Variants in UBR4 observed in about 807,000 individuals in gnomAD.
UBR4 encodes the protein ubiquitin protein ligase E3 component n-recognin 4, also known as E3 ubiquitin-protein ligase UBR4.
A neutral mutation model predicts 575.6 loss-of-function variants in UBR4; 124 were observed. The observed-to-expected ratio is 0.22, with a 90% CI of 0.19 to 0.25. UBR4 has a LOEUF of 0.25. Among genes scored for constraint, UBR4 ranks in the 10% least tolerant of loss-of-function variants. The pLI is 1.00. For synonymous variants in UBR4, 2,455 were observed against 2,473.7 expected, an observed-to-expected ratio of 0.99 and a Z score of 0.22; for missense variants, 4,818 against 6,478.8, an observed-to-expected ratio of 0.74 and a Z score of 8.80.
At chr1:19,147,076 G>A in intron 51 of UBR4, 76 bp from the exon 52 acceptor site, 1 of 1,466,742 alleles carries the variant, frequency 6.8e-7, no homozygotes, top group East Asian at 2.4e-5. Flanking sequence ...GAGAAAAGCT[G>A]GCAGATCACC....
intron 69 of UBR4, 111 bp from the exon 70 acceptor site, chr1:19,119,812 G>A (rs1272993585): frequency 7.2e-7 from 1 of 1,395,918 alleles, no homozygotes; most frequent in South Asian, 1.4e-5. Context: ...GGTTAAGTTT[G>A]AACGGTTTTG....
rs902514134 is a variant in UBR4 at position 19,155,134 on chromosome 1, G to A, written c.6301-59C>T. The stretch of plus-strand genomic sequence containing the variant: ...CATGTTGCCTTGGCTACCAACTTCC[G>A]GTTTATACTGGTTATTATTTTCAAT... On this transcript the variant is annotated intron_variant, in intron 43 of 105. Coordinates refer to ENST00000375254, the MANE Select transcript of UBR4 (RefSeq NM_020765.3). The A allele has an allele frequency of 2.5e-4, 401 of 1,595,798 alleles. 4 individuals carry two copies. The highest frequency in any genetic ancestry group is 2.2e-4 in the Middle Eastern group (1 of 4,554).
Position 19,106,741 on chromosome 1 carries a change from G to T in UBR4, c.12236-15C>A. The T allele has an allele frequency of 6.3e-7, 1 of 1,597,114 alleles. No homozygotes were observed. The highest frequency in any genetic ancestry group is 1.1e-5 in the South Asian group (1 of 89,050). On this transcript the variant is annotated splice_polypyrimidine_tract_variant and intron_variant, in intron 82 of 105. Coordinates refer to ENST00000375254, the MANE Select transcript of UBR4 (RefSeq NM_020765.3). The stretch of plus-strand genomic sequence containing the variant: ...GCCATCTATCCCTGCAAGGCCAAGG[G>T]TTGCAGGGGTAGTAGGTAAGTAAAT...
At chr1:19,114,111 C>A (rs60877546) in intron 75 of UBR4, 41 bp from the exon 76 acceptor site, 1 of 1,593,560 alleles carries the variant, frequency 6.3e-7, no homozygotes, top group South Asian at 1.1e-5. Context: ...GGCTTTTTGG[C>A]TGATGACTTT....
chr1:19,117,888 A>G lies in UBR4; in HGVS notation c.10564T>C (p.Phe3522Leu). The G allele has an allele frequency of 2.5e-6, 4 of 1,614,172 alleles. No individual in the cohort carries two copies. The highest frequency in any genetic ancestry group is 3.4e-6 in the Non-Finnish European group (4 of 1,180,016). ...IYNTLSGLVE[F>L]DGYYLESDPC... ...TCGCTCTCCAGGTAATAGCCATCAA[A>G]CTCCACTAAGCCAGACAAAGTGCTA... Residue 3522 changes from phenylalanine (F) to leucine (L), a missense_variant, in exon 72 of 106, where the codon TTT (phenylalanine) becomes CTT (leucine). Coordinates refer to ENST00000375254, the MANE Select transcript of UBR4 (RefSeq NM_020765.3). This position sits in a 1 kb window ranked among gnomAD's most constrained non-coding sequence, Gnocchi z 4.0.
chr1:19,111,444 C>T (rs1171908692), intron 78 of UBR4, among the ~76,000 whole-genome samples: 10 of 152,158 alleles, frequency 6.6e-5, no homozygotes, highest in African/African-American at 2.4e-4. Flanking sequence ...CCTTGTGATG[C>T]CCTAGCATTC....
Position 19,146,972 on chromosome 1 carries a change from T to G in UBR4, c.7658A>C (p.Gln2553Pro), listed in dbSNP as rs1162121289. 6.2e-7 allele frequency: 1 copy of G among 1,611,452 alleles called. No individual in the cohort carries two copies. ...KDQALLSKAV[Q>P]CLNTSSKEGK... ...CTCTTTGCTAGATGTGTTGAGACAC[T>G]GCACAGCTTTGCTCAGCAAGGCCTG... Residue 2553 changes from glutamine to proline, a missense_variant, in exon 52 of 106, where the codon CAG becomes CCG. Gln to Pro is a moderately conservative substitution (Grantham distance 76). Around this residue, in one of 29 missense-constraint regions of UBR4, gnomAD observed 340 missense variants for 375.4 expected, o/e 0.91. Coordinates refer to ENST00000375254, the MANE Select transcript of UBR4 (RefSeq NM_020765.3).
In UBR4 at chr1:19,153,573, C is replaced by G. The variant is rs1287335304; in HGVS notation, c.6631-71G>C. 2 of 1,576,536 alleles carry G rather than the reference C, an allele frequency of 1.3e-6. No homozygotes were observed. The highest frequency in any genetic ancestry group is 1.3e-5 in the African/African-American group (1 of 74,132). On this transcript the variant is annotated intron_variant, in intron 45 of 105. Coordinates refer to ENST00000375254, the MANE Select transcript of UBR4 (RefSeq NM_020765.3). This position sits in a 1 kb window ranked among gnomAD's most constrained non-coding sequence, Gnocchi z 4.1. Reference sequence around the variant, plus strand: ...ATCAGCATCCTCACAGAAAAAGAGGCAGAGATGCAACTGGTTTCATGGTCA... The same window carrying G: ...ATCAGCATCCTCACAGAAAAAGAGGGAGAGATGCAACTGGTTTCATGGTCA...
At position 19,138,162 on chromosome 1, in the gene UBR4, A is replaced by G. The variant is rs1413203894; in HGVS notation, c.8751T>C (p.Ala2917=). ...GCCCCTCAGCTGTAGCATCGCCATA[A>G]GCACTGCTCCGGCCAGATACTAGAG... ...GEHSVSGRSS[A]YGDATAEGHP... is the part of the protein sequence containing the mutation. The change falls in exon 60 of 106, where the codon GCT becomes GCC. Residue 2917 remains alanine (A), a synonymous_variant. Transcript: ENST00000375254. 6.4e-7 allele frequency: 1 copy of G among 1,556,266 alleles called. No homozygotes were observed. Among genetic ancestry groups the G allele is most frequent in the South Asian group, 1.2e-5 (1 of 82,532 alleles).
At chr1:19,077,414 G>A (rs1027429621) in intron 104 of UBR4, among the ~76,000 whole-genome samples, 20 of 152,174 alleles carry the variant, frequency 1.3e-4, no homozygotes, top group Non-Finnish European at 2.2e-4. Flanking sequence ...GAGCAGGCTC[G>A]GGAGCAGGTG....
At chr1:19,138,378 C>A (rs1199927032) in intron 59 of UBR4, among the ~76,000 whole-genome samples, 197 bp from the exon 60 acceptor site, 1 of 152,226 alleles carries the variant, frequency 6.6e-6, no homozygotes, top group Non-Finnish European at 1.5e-5. Context: ...GCCATTCACC[C>A]TTCCCCAGTA....
Position 19,138,147 on chromosome 1 carries a change from T to C in UBR4, c.8766A>G (p.Thr2922=). 6.3e-7 allele frequency: 1 copy of C among 1,584,132 alleles called. No individual in the cohort carries two copies. The highest frequency in any genetic ancestry group is 1.7e-4 in the Middle Eastern group (1 of 5,986). The change falls in exon 60 of 106, where the codon ACA becomes ACG. Residue 2922 remains threonine (T), a synonymous_variant. Coordinates refer to ENST00000375254, the MANE Select transcript of UBR4 (RefSeq NM_020765.3). Reference sequence around the variant, plus strand: ...CTGGTCCAGCCGGATGCCCCTCAGCTGTAGCATCGCCATAAGCACTGCTCC... The same window carrying C: ...CTGGTCCAGCCGGATGCCCCTCAGCCGTAGCATCGCCATAAGCACTGCTCC... The part of the protein sequence containing the change: ...SGRSSAYGDA[T]AEGHPAGPGS...
chr1:19,105,496 G>A (rs79716410), intron 84 of UBR4, among the ~76,000 whole-genome samples: 2,784 of 152,286 alleles, frequency 0.018, 85 homozygotes, highest in African/African-American at 0.062. Flanking sequence ...ACTCAATCTC[G>A]ATCAATATTA....
chr1:19,150,870 T>C, intron 48 of UBR4, 77 bp from the exon 49 acceptor site: 2 of 1,430,632 alleles, frequency 1.4e-6, no homozygotes. Context: ...CCAGAACAGT[T>C]GGAGCAAAGA....
chr1:19,077,043 G>A (rs1358141546), intron 104 of UBR4, 141 bp from the exon 105 acceptor site: 3 of 868,018 alleles, frequency 3.5e-6, no homozygotes, highest in South Asian at 1.9e-5. Flanking sequence ...GCACCCTAGA[G>A]CGTGCGTTTT....
intron 85 of UBR4, 143 bp downstream of exon 85, chr1:19,104,905 G>T (rs888389680): frequency 1.0e-5 from 14 of 1,342,858 alleles, no homozygotes; most frequent in Middle Eastern, 1.9e-4. Flanking sequence ...TAAATACAAT[G>T]AAGTCATAAA....
rs1276168489 is a variant in UBR4, at chr1:19,153,991, T to C, written c.6459-52A>G. ...TAGAGTGTCAGTCACCATTTAATAG[T>C]TCTTTTCTTGACCTAAAAACCATCC... On this transcript the variant is annotated intron_variant, in intron 44 of 105. Transcript: ENST00000375254. The surrounding 1 kb of genome is among the most constrained non-coding windows in gnomAD (Gnocchi z 4.1). 1 of 1,581,328 alleles carries C rather than the reference T, an allele frequency of 6.3e-7. No individual in the cohort carries two copies.
intron 8 of UBR4, among the ~76,000 whole-genome samples, chr1:19,193,760 T>A (rs2092274569): frequency 6.6e-6 from 1 of 152,036 alleles, no homozygotes; most frequent in Non-Finnish European, 1.5e-5. Context: ...GCTGAAAACT[T>A]ACACGCGCGC....
At position 19,113,975 on chromosome 1, in the gene UBR4, T is replaced by C; in HGVS notation, c.11298A>G (p.Lys3766=). ...GCTTTTCTGGAGCTGCCTCATTCAC[T>C]TTGCAGAGCAGGTTCTCCAGCTGTG... is the stretch of plus-strand genomic sequence containing the variant. The part of the protein sequence containing the change: ...HRPQLENLLC[K]VNEAAPEKPQ... Residue 3766 remains lysine (K), a synonymous_variant, in exon 76 of 106, where the codon AAA becomes AAG. Transcript: ENST00000375254. 6.2e-7 allele frequency: 1 copy of C among 1,614,234 alleles called. No homozygotes were observed. Among genetic ancestry groups the C allele is most frequent in the African/African-American group, 1.3e-5 (1 of 75,064 alleles).
Sources: gnomAD v4.1 joint callset for allele counts (sites outside exome capture counted in the v4.1 genomes callset) on GRCh38, gnomAD v4.1.1 for gene constraint, gnomAD v4.1.1 regional missense constraint, Gnocchi (gnomAD v3.1) non-coding constraint, MANE v1.5 for transcripts, NCBI Gene and HGNC (gene_info 2026-07-23, HGNC 2026-07-21) for gene names.